Variants in IL4I1 observed in about 807,000 individuals in gnomAD.
IL4I1 encodes L-amino-acid oxidase.
In IL4I1, 24 loss-of-function variants were observed where a neutral mutation model predicts 29.7. The observed-to-expected ratio is 0.81, with a 90% CI of 0.59 to 1.14. IL4I1 has a LOEUF of 1.14. IL4I1 is among the 50% of genes most tolerant of loss of function. The pLI is 0.00. For synonymous variants in IL4I1, 371 were observed against 352.5 expected, an observed-to-expected ratio of 1.05 and a Z score of -0.59; for missense variants, 686 against 785.6, an observed-to-expected ratio of 0.87 and a Z score of 1.52.
At chr19:49,916,689 G>A (rs1046293980) in intron 2 of IL4I1, among the ~76,000 whole-genome samples, 2 of 151,384 alleles carry the variant, frequency 1.3e-5, no homozygotes, top group African/African-American at 2.4e-5. Context: ...GCATCAACCC[G>A]GGAGGCGGAG....
upstream of IL4I1, among the ~76,000 whole-genome samples, chr19:49,901,337 C>G (rs1047037469): frequency 5.3e-5 from 8 of 152,132 alleles, no homozygotes; most frequent in African/African-American, 1.9e-4. Context: ...TGAGCCGAGA[C>G]CGCGCCATTC....
chr19:49,909,011 C>T (rs1429016957), intron 2 of IL4I1: 2 of 1,612,292 alleles, frequency 1.2e-6, no homozygotes, highest in African/African-American at 2.7e-5. Context: ...TGTGGAGGTG[C>T]CGGAAGCTGC....
Position 49,890,110 on chromosome 19 carries a change from C to G in IL4I1, c.1264G>C (p.Asp422His), listed in dbSNP as rs2075110898. 6.5e-7 allele frequency: 1 copy of G among 1,544,028 alleles called. No homozygotes were observed. Among genetic ancestry groups the G allele is most frequent in the East Asian group, 2.4e-5 (1 of 40,832 alleles). ...REEALRLALD[D>H]VAALHGPVVR... ...ACAGGCCCGTGCAATGCCGCCACGT[C>G]GTCGAGCGCCAAGCGCAACGCCTCT... Residue 422 changes from aspartate to histidine, a missense_variant, in exon 8 of 8, where the codon GAC becomes CAC. Coordinates refer to ENST00000391826, the MANE Select transcript of IL4I1 (RefSeq NM_152899.2).
chr19:49,920,453 G>A (rs1014307830), intron 2 of IL4I1, among the ~76,000 whole-genome samples: 1 of 152,136 alleles, frequency 6.6e-6, no homozygotes, highest in Admixed American at 6.5e-5. Context: ...CTCTGTCAAC[G>A]TACTAAAGCC....
intron 2 of IL4I1, among the ~76,000 whole-genome samples, chr19:49,904,750 C>T (rs1847431021): frequency 7.0e-6 from 1 of 143,596 alleles, no homozygotes; most frequent in Admixed American, 8.5e-5. Context: ...CACTCTTTTG[C>T]CCAGGCTGGA....
At chr19:49,894,581 G>A in intron 4 of IL4I1, 112 bp from the exon 5 acceptor site, 2 of 703,614 alleles carry the variant, frequency 2.8e-6, no homozygotes, top group South Asian at 3.2e-5. Flanking sequence ...ACCAGCATGA[G>A]GCTGGGGGTG....
intron 2 of IL4I1, chr19:49,909,833 T>A (rs1170680997): frequency 1.2e-6 from 2 of 1,612,032 alleles, no homozygotes; most frequent in Non-Finnish European, 1.7e-6. Flanking sequence ...TGGCGGCAGC[T>A]ACTCTGGCTC....
intron 3 of IL4I1, 99 bp downstream of exon 3, chr19:49,895,715 CT>C: frequency 2.0e-6 from 2 of 991,508 alleles, no homozygotes; most frequent in Non-Finnish European, 3.0e-6. Context: ...ACATCCCCAC[CT>C]CCACCCCCTC....
intron 2 of IL4I1, chr19:49,908,846 C>T (rs766750131): frequency 7.4e-6 from 12 of 1,612,504 alleles, no homozygotes; most frequent in South Asian, 2.2e-5. Flanking sequence ...GGCAGCCGCC[C>T]CTGCAGCTGC....
chr19:49,905,537 A>C (rs2075310966), intron 2 of IL4I1, among the ~76,000 whole-genome samples: 2 of 152,132 alleles, frequency 1.3e-5, no homozygotes, highest in South Asian at 2.1e-4. Flanking sequence ...CACCACACAC[A>C]CCCATGGTTT....
chr19:49,901,155 G>A (rs557255573), upstream of IL4I1, among the ~76,000 whole-genome samples: 2 of 152,268 alleles, frequency 1.3e-5, no homozygotes, highest in Admixed American at 6.5e-5. Context: ...CGAGGTGGGC[G>A]GGCAGATCAC....
chr19:49,926,755 A>C (rs2075900995), intron 2 of IL4I1, among the ~76,000 whole-genome samples: 1 of 152,114 alleles, frequency 6.6e-6, no homozygotes, highest in African/African-American at 2.4e-5. Flanking sequence ...CAATAACAAT[A>C]ACCACTTTTA....
chr19:49,922,711 G>GAA (rs879873471), intron 2 of IL4I1, among the ~76,000 whole-genome samples: 1 of 144,196 alleles, frequency 6.9e-6, no homozygotes. Flanking sequence ...GGATCTCACA[G>GAA]AAAAAAAAAA....
intron 2 of IL4I1, among the ~76,000 whole-genome samples, chr19:49,905,908 A>C (rs1477839254): frequency 6.6e-6 from 1 of 151,716 alleles, no homozygotes; most frequent in East Asian, 2.0e-4. Context: ...TGGCCGGTCC[A>C]AGGAAATAAT....
At chr19:49,909,815 G>T in intron 2 of IL4I1, 1 of 1,613,796 alleles carries the variant, frequency 6.2e-7, no homozygotes, top group Non-Finnish European at 8.5e-7. Flanking sequence ...CATGGCTCCG[G>T]ACTCTGGTGG....
exon 2 of IL4I1, chr19:49,927,776 CA>C (rs2122791970): frequency 6.6e-6 from 1 of 152,368 alleles, no homozygotes; most frequent in South Asian, 2.1e-4. Context: ...GGTTGAACTC[CA>C]GCTGGGATGT....
intron 2 of IL4I1, among the ~76,000 whole-genome samples, chr19:49,923,774 T>G (rs2075819302): frequency 6.6e-6 from 1 of 152,222 alleles, no homozygotes; most frequent in Non-Finnish European, 1.5e-5. Context: ...AGAAAGAGGA[T>G]GCCACTTGCT....
chr19:49,910,340 G>A (rs1436922427), intron 2 of IL4I1, among the ~76,000 whole-genome samples: 2 of 152,026 alleles, frequency 1.3e-5, no homozygotes, highest in East Asian at 3.9e-4. Context: ...CTGGACCTCA[G>A]AGAGAGAGAT....
intron 3 of IL4I1, among the ~76,000 whole-genome samples, chr19:49,903,120 A>C (rs4092428): frequency 0.12 from 18,634 of 151,948 alleles, 1,267 homozygotes; most frequent in African/African-American, 0.15. Context: ...CTGAAAAAAA[A>C]AACAACAACA....
Sources: allele counts gnomAD v4.1 joint callset (sites outside exome capture counted in the v4.1 genomes callset), GRCh38; gene constraint gnomAD v4.1.1; transcripts MANE v1.5; gene names NCBI Gene and HGNC (gene_info 2026-07-23, HGNC 2026-07-21).